FAF1: variants seen among roughly 807,000 people sequenced by gnomAD.
FAF1 encodes the protein Fas associated factor 1.
FAF1 carries 25 observed loss-of-function variants against 92.5 expected under a neutral mutation model. The ratio of observed to expected loss-of-function variants is 0.27; its 90% CI spans 0.20 to 0.38. FAF1 has a LOEUF of 0.38. Ranked by LOEUF, FAF1 falls within the 10% of genes least tolerant of loss-of-function variation. The pLI is 1.00. For synonymous variants in FAF1, 234 were observed against 273.2 expected (o/e 0.86, Z 1.42); for missense variants, 636 against 793.3 (o/e 0.80, Z 2.38).
intron 2 of FAF1, among the ~76,000 whole-genome samples, chr1:50,832,521 A>G (rs1242787095): frequency 6.6e-6 from 1 of 152,246 alleles, no homozygotes; most frequent in Non-Finnish European, 1.5e-5. Context: ...TTTAACATAT[A>G]TGAGAGTTTG....
intron 1 of FAF1, among the ~76,000 whole-genome samples, chr1:50,945,008 AAG>A (rs1424863000): frequency 6.6e-6 from 1 of 151,724 alleles, no homozygotes; most frequent in Non-Finnish European, 1.5e-5. Context: ...TGTGTGGATC[AAG>A]AGGAGGTGAA....
At chr1:50,555,045 T>C (rs1649501818) in intron 13 of FAF1, among the ~76,000 whole-genome samples, 1 of 151,942 alleles carries the variant, frequency 6.6e-6, no homozygotes, top group Non-Finnish European at 1.5e-5. Flanking sequence ...GTGAAACCCC[T>C]GTCTCTACAA....
chr1:50,502,974 C>T (rs1328864842), intron 15 of FAF1, among the ~76,000 whole-genome samples: 1 of 151,780 alleles, frequency 6.6e-6, no homozygotes, highest in African/African-American at 2.4e-5. Context: ...CAGGTGTGCA[C>T]CACCATGTCA....
intron 2 of FAF1, chr1:50,846,475 C>T (rs1168730011): frequency 1.7e-5 from 8 of 474,228 alleles, no homozygotes; most frequent in African/African-American, 9.9e-5. Context: ...AGGCATGCCC[C>T]GCTATAAGCT....
chr1:50,593,241 G>C (rs1004549169), intron 9 of FAF1, among the ~76,000 whole-genome samples: 2 of 152,152 alleles, frequency 1.3e-5, no homozygotes, highest in East Asian at 3.8e-4. Flanking sequence ...AACCTAAATA[G>C]TGTGCTAGCC....
chr1:50,549,370 A>C (rs544897786), intron 13 of FAF1, among the ~76,000 whole-genome samples: 1 of 152,082 alleles, frequency 6.6e-6, no homozygotes, highest in African/African-American at 2.4e-5. Flanking sequence ...GTGCAGTGGC[A>C]TGATCATAGC....
chr1:50,504,870 A>C (rs1647040737), intron 15 of FAF1, among the ~76,000 whole-genome samples: 1 of 152,182 alleles, frequency 6.6e-6, no homozygotes, highest in Non-Finnish European at 1.5e-5. Context: ...CAGTATTGAA[A>C]TCAATTTGGA....
intron 7 of FAF1, among the ~76,000 whole-genome samples, chr1:50,683,107 T>C (rs924631147): frequency 6.6e-6 from 1 of 152,136 alleles, no homozygotes; most frequent in Non-Finnish European, 1.5e-5. Flanking sequence ...TAAAAATAGT[T>C]TCAGGTTTAG....
At chr1:50,904,730 T>C (rs993915892) in intron 1 of FAF1, among the ~76,000 whole-genome samples, 1 of 152,178 alleles carries the variant, frequency 6.6e-6, no homozygotes, top group Non-Finnish European at 1.5e-5. Context: ...TCCTAAATAA[T>C]AATGTTTACA....
chr1:50,877,847 G>A (rs748398019), intron 1 of FAF1, among the ~76,000 whole-genome samples: 1 of 152,080 alleles, frequency 6.6e-6, no homozygotes, highest in Non-Finnish European at 1.5e-5. Flanking sequence ...GGAGCCAGAG[G>A]GAAAAAGCTC....
chr1:50,780,768 C>T (rs1358441773), intron 4 of FAF1: 1 of 306,726 alleles, frequency 3.3e-6, no homozygotes, highest in Non-Finnish European at 6.6e-6. Context: ...CCCGAGGGAG[C>T]TGGTCTCCAC....
intron 4 of FAF1, among the ~76,000 whole-genome samples, chr1:50,760,277 A>G (rs968957464): frequency 6.6e-6 from 1 of 152,174 alleles, no homozygotes; most frequent in African/African-American, 2.4e-5. Context: ...AGACAGATCA[A>G]CGAGACAGAA....
intron 3 of FAF1, among the ~76,000 whole-genome samples, chr1:50,798,538 C>T (rs1352993704): frequency 6.6e-6 from 1 of 152,190 alleles, no homozygotes; most frequent in Non-Finnish European, 1.5e-5. Flanking sequence ...CATGTAAATA[C>T]ACAGACTCAG....
chr1:50,943,467 G>C (rs1390930972), intron 1 of FAF1, among the ~76,000 whole-genome samples: 1 of 152,128 alleles, frequency 6.6e-6, no homozygotes, highest in Non-Finnish European at 1.5e-5. Context: ...TGGCTCACAA[G>C]AAAAAAGTCC....
intron 8 of FAF1, among the ~76,000 whole-genome samples, chr1:50,631,347 C>T (rs1004081650): frequency 6.6e-5 from 10 of 152,066 alleles, no homozygotes; most frequent in African/African-American, 9.7e-5. Flanking sequence ...CAGATCTGTC[C>T]CCATCAGGAC....
intron 8 of FAF1, among the ~76,000 whole-genome samples, chr1:50,651,672 T>G (rs1654871368): frequency 6.6e-6 from 1 of 152,220 alleles, no homozygotes. Flanking sequence ...AAGAAATTAA[T>G]TATATTTTTG....
At chr1:50,782,692 T>C (rs1242344533) in intron 4 of FAF1, among the ~76,000 whole-genome samples, 1 of 152,130 alleles carries the variant, frequency 6.6e-6, no homozygotes, top group Non-Finnish European at 1.5e-5. Flanking sequence ...CAAAAAGTTT[T>C]AAAAGTTTTA....
rs193157201 is a variant in FAF1 at position 50,682,518 on chromosome 1, T to A, written c.657+23268A>T. On this transcript the variant is annotated intron_variant, in intron 7 of 18. Transcript: ENST00000396153. ...AACAAATATGCATGTCGTCTTATGT[T>A]ACTTTCTGTTTTGATTTTACCAACA... 3.9e-5 allele frequency among the ~76,000 whole-genome samples: 6 copies of A among 152,276 alleles called. No individual in the cohort carries two copies. In the East Asian group the frequency reaches 9.7e-4, roughly 25 times the overall value.
At chr1:50,694,440 T>C (rs1361336835) in intron 7 of FAF1, among the ~76,000 whole-genome samples, 1 of 151,890 alleles carries the variant, frequency 6.6e-6, no homozygotes, top group Non-Finnish European at 1.5e-5. Flanking sequence ...ATTAAAAAAA[T>C]CAGGAATCTT....
Sources: allele counts gnomAD v4.1 joint callset (sites outside exome capture counted in the v4.1 genomes callset), GRCh38; gene constraint gnomAD v4.1.1; transcripts MANE v1.5; gene names NCBI Gene and HGNC (gene_info 2026-07-23, HGNC 2026-07-21).